DST: variants seen among roughly 807,000 people sequenced by gnomAD.
DST encodes bullous pemphigoid antigen.
In DST, 253 loss-of-function variants were observed where a neutral mutation model predicts 875.2. The observed-to-expected ratio is 0.29, with a 90% CI of 0.26 to 0.32. The LOEUF is 0.32. Among genes scored for constraint, DST ranks in the 10% least tolerant of loss-of-function variants. DST has a pLI of 1.00. For synonymous variants in DST, 3,124 were observed against 3,197.1 expected (o/e 0.98, Z 0.77); for missense variants, 8,287 against 9,111.6 (o/e 0.91, Z 3.68).
intron 2 of DST, among the ~76,000 whole-genome samples, chr6:56,924,170 T>C (rs1255777923): frequency 1.3e-5 from 2 of 152,132 alleles, no homozygotes; most frequent in Non-Finnish European, 2.9e-5. Context: ...TCTGACCAAG[T>C]ACCTGGGTAC....
At chr6:56,480,766 G>A (rs896219229) in intron 90 of DST, among the ~76,000 whole-genome samples, 1 of 152,130 alleles carries the variant, frequency 6.6e-6, no homozygotes, top group African/African-American at 2.4e-5. Context: ...TCCTGGTCCT[G>A]GTGTGAGAGT....
intron 2 of DST, among the ~76,000 whole-genome samples, chr6:56,934,292 T>C (rs901278201): frequency 1.3e-5 from 2 of 151,912 alleles, no homozygotes; most frequent in African/African-American, 4.8e-5. Flanking sequence ...AAAGGGCTAA[T>C]AGAATCTGCC....
At chr6:56,831,856 T>C (rs1162402964) in intron 4 of DST, among the ~76,000 whole-genome samples, 1 of 152,104 alleles carries the variant, frequency 6.6e-6, no homozygotes, top group Non-Finnish European at 1.5e-5. Context: ...ATGTGTTCAC[T>C]TGAAGCATAT....
chr6:56,887,392 G>A (rs1592098470), intron 3 of DST, among the ~76,000 whole-genome samples: 1 of 152,180 alleles, frequency 6.6e-6, no homozygotes, highest in South Asian at 2.1e-4. Context: ...AGAGATGGCT[G>A]TTAAATTCCA....
At position 56,604,380 on chromosome 6, in the gene DST, T is replaced by C; in HGVS notation, c.10248A>G (p.Gly3416=). Residue 3416 remains glycine (G), a synonymous_variant, in exon 40 of 104, where the codon GGA becomes GGG. Transcript: ENST00000680361. The stretch of plus-strand genomic sequence containing the variant: ...CTGATGAGTTAGTCATGGGGGAAAC[T>C]CCAGAAGAGTCACTCATTTGAGAGT... ...PSDSQMSDSS[G]VSPMTNSSEL... 2.5e-6 allele frequency: 4 copies of C among 1,611,854 alleles called. No homozygotes were observed. The highest frequency in any genetic ancestry group is 3.4e-6 in the Non-Finnish European group (4 of 1,178,794).
At chr6:56,634,011 A>G in intron 27 of DST, 121 bp downstream of exon 27, 1 of 1,162,306 alleles carries the variant, frequency 8.6e-7, no homozygotes, top group Non-Finnish European at 1.3e-6. Flanking sequence ...TGAATAAATG[A>G]ATATTAGCAT....
chr6:56,737,792 C>T lies in DST; in HGVS notation c.626-2503G>A, dbSNP rs146614625. Among the ~76,000 whole-genome samples, 949 of 152,304 alleles carry T rather than the reference C, an allele frequency of 6.2e-3. 12 individuals are homozygous for T. The highest frequency in any genetic ancestry group is 0.021 in the African/African-American group (884 of 41,554). On this transcript the variant is annotated intron_variant, in intron 4 of 103. Coordinates refer to ENST00000680361, the MANE Select transcript of DST (RefSeq NM_001374736.1). The stretch of plus-strand genomic sequence containing the variant: ...ACATAAAAAGCCCTAAAAATACCTA[C>T]GACCTTTCCCAGCAAATCTACTTCT...
rs574371418 is a variant in DST, at chr6:56,652,650, G to A, written c.1215-1406C>T. On this transcript the variant is annotated intron_variant, in intron 10 of 103. Transcript: ENST00000680361. ...GGCAATTTGTACTCTTTTATGGTGA[G>A]AAAACAGACCTTTCAAGAAAATCTT... Among the ~76,000 whole-genome samples the A allele has an allele frequency of 2.6e-5, 4 of 152,302 alleles. No individual in the cohort carries two copies. The South Asian group carries it at 8.3e-4, about 32-fold the overall frequency.
intron 80 of DST, 48 bp downstream of exon 80, chr6:56,501,032 C>T: frequency 6.4e-7 from 1 of 1,573,868 alleles, no homozygotes; most frequent in Non-Finnish European, 8.6e-7. Flanking sequence ...TCTGATGACA[C>T]TAGAAATGGA....
At chr6:56,601,784 GA>G (rs1437536142) in intron 43 of DST, 108 bp from the exon 44 acceptor site, 5 of 681,320 alleles carry the variant, frequency 7.3e-6, no homozygotes, top group Non-Finnish European at 1.2e-5. Flanking sequence ...TCAGGGAATG[GA>G]AGTTTTATGA....
At chr6:56,595,178 C>CT (rs749481594) in intron 47 of DST, among the ~76,000 whole-genome samples, 4 of 152,162 alleles carry the variant, frequency 2.6e-5, no homozygotes, top group Admixed American at 2.6e-4. Flanking sequence ...CCCAGAGCCC[C>CT]TTTTATTACC....
chr6:56,690,106 C>G (rs748192417), intron 9 of DST, among the ~76,000 whole-genome samples: 5 of 152,172 alleles, frequency 3.3e-5, no homozygotes, highest in Non-Finnish European at 5.9e-5. Context: ...AGCAATCTCC[C>G]TTAAATTTCA....
chr6:56,909,958 C>A (rs11962430), intron 2 of DST, among the ~76,000 whole-genome samples: 2 of 151,854 alleles, frequency 1.3e-5, no homozygotes, highest in East Asian at 1.9e-4. Context: ...CTTTGTCAGC[C>A]GGGAAAAAAA....
At position 56,632,024 on chromosome 6, in the gene DST, T is replaced by C. The variant is rs745973241; in HGVS notation, c.3822A>G (p.Ser1274=). 1.2e-6 allele frequency: 2 copies of C among 1,612,442 alleles called. No homozygotes were observed. The highest frequency in any genetic ancestry group is 8.5e-7 in the Non-Finnish European group (1 of 1,178,532). The change falls in exon 29 of 104, where the codon TCA becomes TCG. Residue 1274 remains serine, a synonymous_variant. Transcript: ENST00000680361. ...CTTCAGAGATGTAGAGATTATAAACTGATTCCTCTTGCTCCTCTGTGAAAA... is the reference window on the plus strand; with the variant it reads ...CTTCAGAGATGTAGAGATTATAAACCGATTCCTCTTGCTCCTCTGTGAAAA... ...KSAEREEQEE[S]VYNLYISEVR... is the part of the protein sequence containing the mutation.
At chr6:56,916,189 CA>C (rs1800836753) in intron 2 of DST, among the ~76,000 whole-genome samples, 1 of 152,116 alleles carries the variant, frequency 6.6e-6, no homozygotes, top group South Asian at 2.1e-4. Context: ...ATCAAATCCT[CA>C]AAGCCAGGCA....
intron 4 of DST, among the ~76,000 whole-genome samples, chr6:56,774,248 C>A (rs1406168796): frequency 6.6e-6 from 1 of 152,140 alleles, no homozygotes; most frequent in Non-Finnish European, 1.5e-5. Context: ...TCTACCTGAC[C>A]CAAACTTACC....
chr6:56,463,866 T>C (rs1463616920), intron 100 of DST, 102 bp from the exon 101 acceptor site: 2 of 1,216,640 alleles, frequency 1.6e-6, no homozygotes, highest in South Asian at 2.4e-5. Context: ...AGAGATCACG[T>C]TGAGAATTTC....
intron 4 of DST, among the ~76,000 whole-genome samples, chr6:56,752,372 G>C (rs995144127): frequency 2.0e-5 from 3 of 151,654 alleles, no homozygotes; most frequent in Non-Finnish European, 4.4e-5. Context: ...TAAATTTTAA[G>C]TGTTCTGTTC....
intron 3 of DST, among the ~76,000 whole-genome samples, chr6:56,890,352 A>C (rs1163051042): frequency 6.6e-6 from 1 of 152,274 alleles, no homozygotes; most frequent in Non-Finnish European, 1.5e-5. Flanking sequence ...AAATCCTGGG[A>C]TTCAGAAACA....
Sources: gnomAD v4.1 joint callset for allele counts (sites outside exome capture counted in the v4.1 genomes callset) on GRCh38, gnomAD v4.1.1 for gene constraint, MANE v1.5 for transcripts, NCBI Gene and HGNC (gene_info 2026-07-23, HGNC 2026-07-21) for gene names.